Variants in KLF12 observed in about 807,000 individuals in gnomAD.
The protein encoded by KLF12 is Krueppel-like factor 12.
Under a neutral mutation model 37.8 loss-of-function variants are expected in KLF12, and 9 were observed. The ratio of observed to expected loss-of-function variants is 0.24; its 90% CI spans 0.14 to 0.42. KLF12 has a LOEUF of 0.42. Among genes scored for constraint, KLF12 ranks in the 10% least tolerant of loss-of-function variants. KLF12 has a pLI of 1.00. For missense variants in KLF12, 411 were observed against 516.0 expected (o/e 0.80, Z 1.97); for synonymous variants, 208 against 202.1 (o/e 1.03, Z -0.25).
chr13:73,855,697 C>T (rs774285982), intron 3 of KLF12, among the ~76,000 whole-genome samples: 15 of 152,174 alleles, frequency 9.9e-5, no homozygotes, highest in Non-Finnish European at 1.5e-4. Flanking sequence ...GACTAATTTA[C>T]ATTCCCAACC....
intron 5 of KLF12, among the ~76,000 whole-genome samples, chr13:73,809,241 A>T (rs1882802262): frequency 6.6e-6 from 1 of 152,178 alleles, no homozygotes; most frequent in African/African-American, 2.4e-5. Context: ...TTACATGCTA[A>T]TCTGACATTT....
the KLF12 span, among the ~76,000 whole-genome samples, chr13:74,207,822 TATC>T: frequency 2.6e-5 from 4 of 152,216 alleles, no homozygotes; most frequent in Non-Finnish European, 5.9e-5. Context: ...GTTTTTATCT[TATC>T]ATGATCTCTT....
In KLF12 at chr13:73,760,554, C is replaced by G. The variant is rs186070390; in HGVS notation, c.869+4384G>C. Among the ~76,000 whole-genome samples, 540 of 152,230 alleles carry G rather than the reference C, an allele frequency of 3.5e-3. 4 individuals carry two copies. Among genetic ancestry groups the G allele is most frequent in the Middle Eastern group, 0.014 (4 of 294 alleles). Reference sequence around the variant, plus strand: ...GCCCAGCTGGTCTTAAACTCCTGGGCTCAGGCAATTCTTCAGCTTCAGCCT... The same window carrying G: ...GCCCAGCTGGTCTTAAACTCCTGGGGTCAGGCAATTCTTCAGCTTCAGCCT... On this transcript the variant is annotated intron_variant, in intron 6 of 7. Transcript: ENST00000377669.
chr13:74,287,427 C>A, the KLF12 span, among the ~76,000 whole-genome samples: 1 of 149,196 alleles, frequency 6.7e-6, no homozygotes, highest in African/African-American at 2.5e-5. Context: ...ACCCCAGCCC[C>A]AATTTACTAA....
intron 5 of KLF12, among the ~76,000 whole-genome samples, chr13:73,802,740 G>C (rs371124901): frequency 6.6e-6 from 1 of 152,084 alleles, no homozygotes; most frequent in African/African-American, 2.4e-5. Context: ...CTGTTCCTGG[G>C]TTAATTGGCT....
At chr13:74,256,154 CAA>C in the KLF12 span, among the ~76,000 whole-genome samples, 31 of 75,544 alleles carry the variant, frequency 4.1e-4, no homozygotes, top group Non-Finnish European at 3.7e-4. Context: ...GACTCTGTCT[CAA>C]AAAAAAAAAA....
At chr13:74,253,571 A>T in the KLF12 span, among the ~76,000 whole-genome samples, 1 of 152,236 alleles carries the variant, frequency 6.6e-6, no homozygotes, top group Non-Finnish European at 1.5e-5. Flanking sequence ...GCTATGTATC[A>T]ATTTATTAAT....
chr13:74,074,639 C>T (rs1198441013), intron 1 of KLF12, among the ~76,000 whole-genome samples: 1 of 152,000 alleles, frequency 6.6e-6, no homozygotes, highest in Admixed American at 6.6e-5. Flanking sequence ...TATTTTTTAA[C>T]TTTTATCTTA....
intron 2 of KLF12, among the ~76,000 whole-genome samples, chr13:73,978,566 C>T (rs1004228613): frequency 6.6e-6 from 1 of 152,156 alleles, no homozygotes; most frequent in African/African-American, 2.4e-5. Context: ...AGTTAGTAAA[C>T]TAACTCTTAC....
chr13:73,849,609 A>T (rs1182276618), intron 3 of KLF12, among the ~76,000 whole-genome samples: 2 of 152,158 alleles, frequency 1.3e-5, no homozygotes. Context: ...CTCAGGAACC[A>T]GCCTCAAAGG....
At chr13:74,157,508 T>G in the KLF12 span, among the ~76,000 whole-genome samples, 1 of 152,186 alleles carries the variant, frequency 6.6e-6, no homozygotes, top group East Asian at 1.9e-4. Context: ...AGGTTGGCTA[T>G]GCTCACCCAC....
At chr13:73,756,598 C>T (rs1214887565) in intron 6 of KLF12, among the ~76,000 whole-genome samples, 2 of 152,176 alleles carry the variant, frequency 1.3e-5, no homozygotes, top group African/African-American at 4.8e-5. Context: ...AAAGCTACTA[C>T]CCTTACGAGA....
At chr13:74,234,109 ACT>A in the KLF12 span, among the ~76,000 whole-genome samples, 5 of 152,178 alleles carry the variant, frequency 3.3e-5, no homozygotes, top group African/African-American at 7.2e-5. Flanking sequence ...ATAGATGGGA[ACT>A]CTCAGTACTT....
chr13:73,876,098 T>C (rs1470641981), intron 3 of KLF12, among the ~76,000 whole-genome samples: 1 of 152,068 alleles, frequency 6.6e-6, no homozygotes, highest in Non-Finnish European at 1.5e-5. Flanking sequence ...TATTCTCAGT[T>C]TTTGTGAGTC....
chr13:73,916,472 C>A (rs1189839452), intron 3 of KLF12, among the ~76,000 whole-genome samples: 1 of 152,184 alleles, frequency 6.6e-6, no homozygotes, highest in Middle Eastern at 3.4e-3. Context: ...AGTATCTACC[C>A]CACAACACCC....
At chr13:73,728,396 A>T (rs1014035499) in intron 6 of KLF12, among the ~76,000 whole-genome samples, 6 of 152,212 alleles carry the variant, frequency 3.9e-5, no homozygotes, top group Non-Finnish European at 5.9e-5. Context: ...GATCATGTCA[A>T]CTGCAAATAG....
chr13:73,951,178 CA>C (rs1318272686), intron 2 of KLF12, among the ~76,000 whole-genome samples: 3 of 152,078 alleles, frequency 2.0e-5, no homozygotes, highest in East Asian at 3.9e-4. Flanking sequence ...ACACATGTAC[CA>C]GGGGTTGTTT....
chr13:74,284,755 C>G, the KLF12 span, among the ~76,000 whole-genome samples: 1 of 152,078 alleles, frequency 6.6e-6, no homozygotes, highest in Non-Finnish European at 1.5e-5. Context: ...GGAGGACATG[C>G]GAGAGGGATT....
At chr13:74,141,413 A>C in the KLF12 span, among the ~76,000 whole-genome samples, 2 of 152,214 alleles carry the variant, frequency 1.3e-5, no homozygotes, top group Non-Finnish European at 2.9e-5. Context: ...ATGGAAATAA[A>C]ATAAAATGAA....
Sources: gnomAD v4.1 joint callset for allele counts (sites outside exome capture counted in the v4.1 genomes callset) on GRCh38, gnomAD v4.1.1 for gene constraint, MANE v1.5 for transcripts, NCBI Gene and HGNC (gene_info 2026-07-23, HGNC 2026-07-21) for gene names.